The following LRP1B variants were observed in gnomAD, a reference collection of about 807,000 sequenced individuals.
LRP1B encodes the protein LDL receptor related protein 1B.
In LRP1B, 217 loss-of-function variants were observed where a neutral mutation model predicts 556.6. The ratio of observed to expected loss-of-function variants is 0.39; its 90% CI spans 0.35 to 0.44. LRP1B has a LOEUF of 0.44. LRP1B is among the 20% of genes least tolerant of loss of function. The pLI, the probability that LRP1B is intolerant of heterozygous loss-of-function variation, is 1.00. For synonymous variants in LRP1B, 2,047 were observed against 1,865.8 expected (o/e 1.10, Z -2.50); for missense variants, 5,053 against 5,620.8 (o/e 0.90, Z 3.23).
rs559092290 is a variant in LRP1B at position 141,908,740 on chromosome 2, A to T, written c.83-98339T>A. Among the ~76,000 whole-genome samples the T allele has an allele frequency of 7.9e-5, 12 of 152,206 alleles. No individual in the cohort carries two copies. In the South Asian group the frequency reaches 2.5e-3, roughly 32 times the overall value. On this transcript the variant is annotated intron_variant, in intron 1 of 90. Transcript: ENST00000389484. ...TCAAAACATATGCTTATTTTTAAAG[A>T]CAATAGATGTTATCAAATATCAACT...
intron 2 of LRP1B, 143 bp from the exon 3 acceptor site, chr2:141,480,676 A>T: frequency 4.9e-6 from 4 of 823,536 alleles, no homozygotes; most frequent in Non-Finnish European, 6.2e-6. Context: ...TCTCAGAGAC[A>T]TTGAAGTTAG....
chr2:142,079,819 A>G (rs1307794092), intron 1 of LRP1B, among the ~76,000 whole-genome samples: 1 of 151,978 alleles, frequency 6.6e-6, no homozygotes, highest in African/African-American at 2.4e-5. Context: ...CTCTTTCTTA[A>G]AATATATGTT....
intron 84 of LRP1B, among the ~76,000 whole-genome samples, chr2:140,285,906 T>C (rs966442755): frequency 2.6e-5 from 4 of 151,806 alleles, no homozygotes; most frequent in Admixed American, 6.6e-5. Context: ...TATGATATAG[T>C]AAGTAATGTG....
chr2:141,474,333 A>T (rs1414442312), intron 3 of LRP1B, among the ~76,000 whole-genome samples: 5 of 152,202 alleles, frequency 3.3e-5, no homozygotes, highest in Admixed American at 2.6e-4. Flanking sequence ...CCCATGGTGA[A>T]TCATTACAGA....
At chr2:140,699,380 T>C (rs1478573552) in intron 41 of LRP1B, among the ~76,000 whole-genome samples, 2 of 152,022 alleles carry the variant, frequency 1.3e-5, no homozygotes, top group Non-Finnish European at 2.9e-5. Flanking sequence ...CTTAAAATTC[T>C]AGGGCATGTC....
chr2:141,365,654 G>GGCT (rs1688998921), intron 3 of LRP1B, among the ~76,000 whole-genome samples: 1 of 131,662 alleles, frequency 7.6e-6, no homozygotes, highest in African/African-American at 2.9e-5. Context: ...TGTTTTTGTT[G>GGCT]CTTTTTTTTT....
chr2:140,643,349 T>C (rs78366979), intron 41 of LRP1B, among the ~76,000 whole-genome samples: 1,840 of 152,202 alleles, frequency 0.012, 32 homozygotes, highest in African/African-American at 0.039. Context: ...TATATTTCCA[T>C]CAATAAAAAA....
intron 3 of LRP1B, among the ~76,000 whole-genome samples, chr2:141,395,037 T>C (rs1390420960): frequency 6.6e-6 from 1 of 152,098 alleles, no homozygotes; most frequent in Non-Finnish European, 1.5e-5. Context: ...CATATACAAA[T>C]TGTGGTCCCA....
chr2:140,759,155 T>A (rs989954340), intron 35 of LRP1B, among the ~76,000 whole-genome samples: 1 of 152,138 alleles, frequency 6.6e-6, no homozygotes, highest in Non-Finnish European at 1.5e-5. Context: ...TTAATGACTG[T>A]TGACTGAGAA....
chr2:140,282,765 C>G (rs1459921877), intron 84 of LRP1B, among the ~76,000 whole-genome samples: 1 of 151,800 alleles, frequency 6.6e-6, no homozygotes, highest in Non-Finnish European at 1.5e-5. Context: ...CCACTGCAGT[C>G]TCTCATTCCA....
intron 1 of LRP1B, among the ~76,000 whole-genome samples, chr2:142,116,868 A>G (rs565068622): frequency 6.6e-6 from 1 of 152,300 alleles, no homozygotes; most frequent in African/African-American, 2.4e-5. Flanking sequence ...GTTTAGTCAC[A>G]GCTTCCCAAG....
intron 1 of LRP1B, among the ~76,000 whole-genome samples, chr2:141,946,182 T>C (rs949292382): frequency 6.6e-6 from 1 of 152,098 alleles, no homozygotes; most frequent in African/African-American, 2.4e-5. Flanking sequence ...CTGTCTGCAC[T>C]ATGATCACAA....
intron 2 of LRP1B, among the ~76,000 whole-genome samples, chr2:141,549,719 A>C (rs547385575): frequency 6.6e-6 from 1 of 152,216 alleles, no homozygotes; most frequent in East Asian, 1.9e-4. Context: ...ATTCAGGGCC[A>C]GGAGCGGTGG....
intron 41 of LRP1B, among the ~76,000 whole-genome samples, chr2:140,624,654 C>T (rs1683589712): frequency 6.6e-6 from 1 of 152,070 alleles, no homozygotes; most frequent in Admixed American, 6.6e-5. Flanking sequence ...CACTCCAGCA[C>T]TCCAGCTTGA....
intron 3 of LRP1B, among the ~76,000 whole-genome samples, chr2:141,313,013 T>C (rs1686871366): frequency 6.6e-6 from 1 of 152,172 alleles, no homozygotes; most frequent in African/African-American, 2.4e-5. Flanking sequence ...CTTTCTGCTC[T>C]AGGTAACAGC....
chr2:141,278,323 CGGGCCTGGCAAA>C (rs1160686298), intron 3 of LRP1B, among the ~76,000 whole-genome samples: 2 of 152,040 alleles, frequency 1.3e-5, no homozygotes, highest in Non-Finnish European at 2.9e-5. Context: ...ATCCTTGCTT[CGGGCCTGGCAAA>C]GATAGGCTTC....
intron 1 of LRP1B, among the ~76,000 whole-genome samples, chr2:141,885,510 G>T (rs757372333): frequency 2.0e-5 from 3 of 152,072 alleles, no homozygotes; most frequent in Non-Finnish European, 4.4e-5. Context: ...AACAAAAAAC[G>T]CTGTGGAATG....
At chr2:140,988,854 CTTTAT>C (rs1303658883) in intron 17 of LRP1B, among the ~76,000 whole-genome samples, 2 of 148,324 alleles carry the variant, frequency 1.3e-5, no homozygotes, top group Non-Finnish European at 2.9e-5. Context: ...CTATTTTTTT[CTTTAT>C]CATTTAAAAA....
chr2:140,699,548 C>T (rs1235152420), intron 41 of LRP1B, among the ~76,000 whole-genome samples: 4 of 151,344 alleles, frequency 2.6e-5, no homozygotes, highest in African/African-American at 9.7e-5. Flanking sequence ...CATAGTGAAA[C>T]TGGAAGAATG....
Sources: allele counts gnomAD v4.1 joint callset (sites outside exome capture counted in the v4.1 genomes callset), GRCh38; gene constraint gnomAD v4.1.1; transcripts MANE v1.5; gene names NCBI Gene and HGNC (gene_info 2026-07-23, HGNC 2026-07-21).